RIMBP2: variants seen among roughly 807,000 people sequenced by gnomAD.
RIMBP2 encodes the protein RIMS-binding protein 2.
RIMBP2 carries 48 observed loss-of-function variants against 118.6 expected under a neutral mutation model. The observed-to-expected ratio is 0.40, with a 90% confidence interval of 0.32 to 0.51. The LOEUF (loss-of-function observed/expected upper bound fraction) is 0.51, where lower values mean the gene tolerates loss of function less well. Ranked by LOEUF, RIMBP2 falls within the 20% of genes least tolerant of loss-of-function variation. The pLI is 0.41. For missense variants in RIMBP2, 1,551 were observed against 1,768.3 expected, an observed-to-expected ratio of 0.88 and a Z score of 2.20; for synonymous variants, 762 against 742.9, an observed-to-expected ratio of 1.03 and a Z score of -0.42.
intron 19 of RIMBP2, 30 bp from the exon 20 acceptor site, chr12:130,407,859 C>A: frequency 6.3e-7 from 1 of 1,585,236 alleles, no homozygotes; most frequent in South Asian, 1.1e-5. Flanking sequence ...GAAAGAAATC[C>A]ATCATGAGGT....
At chr12:130,440,308 T>C (rs1248610805) in intron 11 of RIMBP2, among the ~76,000 whole-genome samples, 3 of 152,112 alleles carry the variant, frequency 2.0e-5, no homozygotes, top group Non-Finnish European at 2.9e-5. Context: ...GGGGGGATGA[T>C]ACATGGGGTG....
At chr12:130,571,045 T>A (rs1348366775) in intron 2 of RIMBP2, among the ~76,000 whole-genome samples, 1 of 151,904 alleles carries the variant, frequency 6.6e-6, no homozygotes, top group Non-Finnish European at 1.5e-5. Flanking sequence ...GAGAAAAAAA[T>A]GTCACGAGAA....
chr12:130,400,849 A>G (rs2074468917), intron 21 of RIMBP2, among the ~76,000 whole-genome samples: 1 of 152,222 alleles, frequency 6.6e-6, no homozygotes, highest in Non-Finnish European at 1.5e-5. Flanking sequence ...AGTCACCACG[A>G]ATCTCCAGGG....
intron 2 of RIMBP2, among the ~76,000 whole-genome samples, chr12:130,614,626 T>C (rs1176509992): frequency 2.0e-5 from 3 of 151,924 alleles, no homozygotes; most frequent in Non-Finnish European, 4.4e-5. Flanking sequence ...AATGCGCACA[T>C]GAAGATCTTT....
intron 4 of RIMBP2, among the ~76,000 whole-genome samples, chr12:130,485,299 T>C (rs1368043119): frequency 6.6e-6 from 1 of 152,244 alleles, no homozygotes; most frequent in Non-Finnish European, 1.5e-5. Flanking sequence ...GGTTGGGTGC[T>C]GTGGTCACTG....
intron 3 of RIMBP2, among the ~76,000 whole-genome samples, chr12:130,510,918 A>G (rs1171939417): frequency 6.6e-6 from 1 of 152,170 alleles, no homozygotes; most frequent in Non-Finnish European, 1.5e-5. Flanking sequence ...GGGTGTGTGG[A>G]CAAGGAGGGG....
In RIMBP2 at chr12:130,713,201, G is replaced by A. The variant is rs1245430331; in HGVS notation, c.-352+3021C>T. ...AGGAAGGAAGGAAAGAAGGAAGGAA[G>A]GAAGGAAGATAGGAAGGAAGGAAGG... On this transcript the variant is annotated intron_variant, in intron 1 of 22. Transcript: ENST00000690449. Among the ~76,000 whole-genome samples, 4 of 145,882 alleles carry A rather than the reference G, an allele frequency of 2.7e-5. No individual in the cohort carries two copies. The East Asian group carries it at 8.1e-4, about 30-fold the overall frequency.
At chr12:130,607,077 G>A (rs546857131) in intron 2 of RIMBP2, among the ~76,000 whole-genome samples, 1 of 152,134 alleles carries the variant, frequency 6.6e-6, no homozygotes, top group African/African-American at 2.4e-5. Flanking sequence ...TGATCTACCC[G>A]CCTCGGCCTC....
At chr12:130,457,716 G>A (rs2079572848) in intron 6 of RIMBP2, among the ~76,000 whole-genome samples, 1 of 152,208 alleles carries the variant, frequency 6.6e-6, no homozygotes, top group Non-Finnish European at 1.5e-5. Flanking sequence ...TCGGCCCCAA[G>A]CCTCTGCTTT....
chr12:130,699,376 T>C (rs1466675922), intron 1 of RIMBP2, among the ~76,000 whole-genome samples: 3 of 152,040 alleles, frequency 2.0e-5, no homozygotes, highest in South Asian at 2.1e-4. Context: ...GGCACGTATA[T>C]ACCATGGAAT....
At chr12:130,666,695 A>AGGAGGAAGGGAGAAGG (rs1036708681) in intron 1 of RIMBP2, among the ~76,000 whole-genome samples, 12 of 136,310 alleles carry the variant, frequency 8.8e-5, no homozygotes, top group Admixed American at 6.7e-4. Flanking sequence ...CAAGGGAATG[A>AGGAGGAAGGGAGAAGG]GGAGGAAGGG....
chr12:130,648,016 C>T (rs2063065325), intron 1 of RIMBP2, among the ~76,000 whole-genome samples: 1 of 146,516 alleles, frequency 6.8e-6, no homozygotes, highest in Non-Finnish European at 1.5e-5. Context: ...TGTGCACACA[C>T]ATGTGAACAC....
Position 130,576,299 on chromosome 12 carries a change from A to G in RIMBP2, c.-217+52023T>C, listed in dbSNP as rs1177718601. Among the ~76,000 whole-genome samples the G allele has an allele frequency of 6.6e-6, 1 of 152,180 alleles. No homozygotes were observed. The highest frequency in any genetic ancestry group is 1.5e-5 in the Non-Finnish European group (1 of 68,034). ...ACAAACAGGAACGGAGAGTTTCATG[A>G]CCATAGACATGGGCATTTGCTTCCA... On this transcript the variant is annotated intron_variant, in intron 2 of 22. Transcript: ENST00000690449. The surrounding 1 kb of genome is among the most constrained non-coding windows in gnomAD (Gnocchi z 4.2).
At chr12:130,416,084 G>A (rs2076086391) in intron 17 of RIMBP2, among the ~76,000 whole-genome samples, 1 of 152,154 alleles carries the variant, frequency 6.6e-6, no homozygotes, top group Non-Finnish European at 1.5e-5. Flanking sequence ...AGAAGTCATA[G>A]ATCACATGAA....
intron 2 of RIMBP2, among the ~76,000 whole-genome samples, chr12:130,615,024 G>A (rs1045722958): frequency 4.7e-5 from 7 of 148,688 alleles, no homozygotes; most frequent in African/African-American, 9.8e-5. Context: ...GGCAGGAAAC[G>A]TGCAGATACT....
rs1351163644 is a variant in RIMBP2 at position 130,436,848 on chromosome 12, G to A, written c.2100C>T (p.Ser700=). 10 of 1,456,364 alleles carry A rather than the reference G, an allele frequency of 6.9e-6. No homozygotes were observed. The South Asian group carries it at 1.5e-4, about 21-fold the overall frequency. 90.2% of individuals were successfully genotyped at this position (1,456,364 alleles called of 1,614,324 possible). Residue 700 remains serine, a synonymous_variant, in exon 13 of 23, where the codon AGC becomes AGT. Transcript: ENST00000690449. ...GCGGGAGCCCCAGCCTTACCCTGCT[G>A]CTCTCGGCCACCCTCTGCGCGGCCT... ...AREAAQRVAE[S]SRLEKRSVFL...
chr12:130,550,350 G>A (rs2055630839), intron 2 of RIMBP2, among the ~76,000 whole-genome samples: 1 of 152,192 alleles, frequency 6.6e-6, no homozygotes, highest in African/African-American at 2.4e-5. Flanking sequence ...GCTTTCTCCT[G>A]AAAACATAAA....
At chr12:130,421,113 C>T (rs2076379952) in intron 17 of RIMBP2, 1 of 152,136 alleles carries the variant, frequency 6.6e-6, no homozygotes, top group African/African-American at 2.4e-5. Context: ...ACATCTCGGA[C>T]AGGTCATTTA....
Position 130,525,280 on chromosome 12 carries a change from G to A in RIMBP2, c.-216-7363C>T, listed in dbSNP as rs2052653046. ...CCGGCAGGTCAGCTACTGCCCAGAA[G>A]CCAAGCAGCATTGCGGGCATCTCCG... On this transcript the variant is annotated intron_variant, in intron 2 of 22. Transcript: ENST00000690449. The surrounding 1 kb of genome is among the most constrained non-coding windows in gnomAD (Gnocchi z 4.4). 6.6e-6 allele frequency among the ~76,000 whole-genome samples: 1 copy of A among 152,232 alleles called. No homozygotes were observed. The highest frequency in any genetic ancestry group is 2.4e-5 in the African/African-American group (1 of 41,454).
Sources: gnomAD v4.1 joint callset for allele counts (sites outside exome capture counted in the v4.1 genomes callset) on GRCh38, gnomAD v4.1.1 for gene constraint, Gnocchi (gnomAD v3.1) non-coding constraint, MANE v1.5 for transcripts, NCBI Gene and HGNC (gene_info 2026-07-23, HGNC 2026-07-21) for gene names.